Variants in AOAH observed in about 807,000 individuals in gnomAD.
The protein encoded by AOAH is acyloxyacyl hydrolase (neutrophil).
AOAH carries 64 observed loss-of-function variants against 92.2 expected under a neutral mutation model. The ratio of observed to expected loss-of-function variants is 0.69; its 90% CI spans 0.57 to 0.86. The LOEUF is 0.86. Ranked by LOEUF, AOAH falls within the 40% of genes least tolerant of loss-of-function variation. The pLI is 0.00. For missense variants in AOAH, 656 were observed against 694.6 expected, an observed-to-expected ratio of 0.94 and a Z score of 0.62; for synonymous variants, 263 against 254.5, an observed-to-expected ratio of 1.03 and a Z score of -0.32.
intron 1 of AOAH, among the ~76,000 whole-genome samples, chr7:36,710,282 G>A (rs1798679508): frequency 6.6e-6 from 1 of 152,164 alleles, no homozygotes; most frequent in Admixed American, 6.5e-5. Flanking sequence ...GCATATTCAG[G>A]GAACCCTTTA....
chr7:36,659,014 A>C lies in AOAH; in HGVS notation c.390+152T>G, dbSNP rs867503849. ...GTATGGATCTAGGCCAAAATGCAGGAATATTATTTCTTGCGGGGTAATTGA... is the reference window on the plus strand; with the variant it reads ...GTATGGATCTAGGCCAAAATGCAGGCATATTATTTCTTGCGGGGTAATTGA... On this transcript the variant is annotated intron_variant, in intron 4 of 20. Transcript: ENST00000617537. 6.4e-5 allele frequency: 43 copies of C among 669,016 alleles called. 1 individual carries two copies. In the South Asian group the frequency reaches 7.3e-4, roughly 11 times the overall value. The allele number at this position is 669,016 out of a possible 1,614,324, so 41.4% of individuals were successfully genotyped here.
chr7:36,589,869 T>C (rs1466909304), intron 12 of AOAH, among the ~76,000 whole-genome samples: 1 of 152,246 alleles, frequency 6.6e-6, no homozygotes, highest in African/African-American at 2.4e-5. Context: ...AAGTAGGATT[T>C]TCCTGTTATA....
At chr7:36,642,185 AAAGC>A (rs957855009) in intron 4 of AOAH, among the ~76,000 whole-genome samples, 22 of 152,062 alleles carry the variant, frequency 1.4e-4, no homozygotes, top group African/African-American at 5.3e-4. Context: ...TTTGCCATTA[AAAGC>A]AATAGCAAAA....
chr7:36,522,163 C>T (rs772792867), intron 19 of AOAH, 48 bp from the exon 20 acceptor site: 45 of 1,571,774 alleles, frequency 2.9e-5, no homozygotes, highest in Middle Eastern at 1.7e-4. Flanking sequence ...GCACAAGCAA[C>T]GGCCAATATC....
intron 1 of AOAH, among the ~76,000 whole-genome samples, chr7:36,698,641 A>G (rs1797856063): frequency 6.6e-6 from 1 of 152,108 alleles, no homozygotes; most frequent in South Asian, 2.1e-4. Context: ...CTTAGACCAA[A>G]CTATTTTCTA....
chr7:36,540,432 T>C lies in AOAH; in HGVS notation c.1193A>G (p.Gln398Arg). 6.2e-7 allele frequency: 1 copy of C among 1,614,070 alleles called. No individual in the cohort carries two copies. Among genetic ancestry groups the C allele is most frequent in the Non-Finnish European group, 8.5e-7 (1 of 1,179,948 alleles). The change falls in exon 16 of 21, where the codon CAG (glutamine) becomes CGG (arginine). Residue 398 changes from glutamine to arginine, a missense_variant. Gln to Arg is a conservative substitution (Grantham distance 43). Coordinates refer to ENST00000617537, the MANE Select transcript of AOAH (RefSeq NM_001637.4). ...TPEKLYSNVM[Q>R]TLKHLNSHLP... The stretch of plus-strand genomic sequence containing the variant: ...GTGGGAATTTAGATGCTTCAGAGTC[T>C]GCATGACGTTGGAGTAGAGTTTCTC...
chr7:36,548,647 A>G lies in AOAH; in HGVS notation c.1098T>C (p.Val366=), dbSNP rs954364122. 3.7e-6 allele frequency: 6 copies of G among 1,613,730 alleles called. No homozygotes were observed. The African/African-American group carries it at 5.3e-5, about 14-fold the overall frequency. The stretch of plus-strand genomic sequence containing the variant: ...CATCATTTCCAATCATGGCATATAT[A>G]ACGATGGCGGGATAGTCCAACACCT... ...RNKVLDYPAI[V]IYAMIGNDVC... is the part of the protein sequence containing the mutation. Residue 366 remains valine, a synonymous_variant, in exon 15 of 21, where the codon GTT becomes GTC. Transcript: ENST00000617537.
intron 10 of AOAH, among the ~76,000 whole-genome samples, chr7:36,617,487 A>T (rs1201471389): frequency 6.6e-6 from 1 of 152,246 alleles, no homozygotes; most frequent in Non-Finnish European, 1.5e-5. Context: ...CTTTAAGTTG[A>T]TACACAGCAA....
rs1172219860 is a variant in AOAH, at chr7:36,618,287, C to T, written c.751+10G>A. On this transcript the variant is annotated intron_variant, in intron 10 of 20. Transcript: ENST00000617537. ...ATCATTATAACCACAATGACATCCACAATTCATACCTTCACAGAATTTCTT... is the reference window on the plus strand; with the variant it reads ...ATCATTATAACCACAATGACATCCATAATTCATACCTTCACAGAATTTCTT... 6.2e-7 allele frequency: 1 copy of T among 1,612,112 alleles called. No homozygotes were observed. Among genetic ancestry groups the T allele is most frequent in the South Asian group, 1.1e-5 (1 of 91,018 alleles).
Position 36,522,066 on chromosome 7 carries a change from C to G in AOAH, c.1572G>C (p.Glu524Asp). The change falls in exon 20 of 21, where the codon GAG becomes GAC. Residue 524 changes from glutamate (E) to aspartate (D), a missense_variant. Coordinates refer to ENST00000617537, the MANE Select transcript of AOAH (RefSeq NM_001637.4). ...KRGGQPWQLIEPVDGFHPNEV... is the reference protein window; with the variant it reads ...KRGGQPWQLIDPVDGFHPNEV... ...CGTTGGGGTGGAATCCATCCACGGG[C>G]TCGATGAGCTGCCAGGGCTGTCCGC... The G allele has an allele frequency of 6.2e-7, 1 of 1,614,230 alleles. No homozygotes were observed. Among genetic ancestry groups the G allele is most frequent in the Non-Finnish European group, 8.5e-7 (1 of 1,180,028 alleles).
At chr7:36,682,230 G>A (rs1033972601) in intron 2 of AOAH, among the ~76,000 whole-genome samples, 3 of 152,172 alleles carry the variant, frequency 2.0e-5, no homozygotes, top group Admixed American at 1.3e-4. Context: ...TAACTTTTGG[G>A]GATAGAGAAA....
chr7:36,547,983 T>C (rs986796011), intron 15 of AOAH, among the ~76,000 whole-genome samples: 1 of 152,130 alleles, frequency 6.6e-6, no homozygotes, highest in Non-Finnish European at 1.5e-5. Context: ...TCTTATGGGG[T>C]AACTGTGCTT....
At chr7:36,715,240 T>C (rs1365651672) in intron 1 of AOAH, among the ~76,000 whole-genome samples, 1 of 151,952 alleles carries the variant, frequency 6.6e-6, no homozygotes, top group Non-Finnish European at 1.5e-5. Flanking sequence ...TCAAAGAGCA[T>C]AAAATACCTA....
intron 20 of AOAH, among the ~76,000 whole-genome samples, chr7:36,518,996 T>G (rs1783970827): frequency 6.6e-6 from 1 of 152,240 alleles, no homozygotes; most frequent in Non-Finnish European, 1.5e-5. Context: ...AACTCTGTGT[T>G]TGGTCATTTA....
At chr7:36,664,739 C>A (rs1177172010) in intron 3 of AOAH, among the ~76,000 whole-genome samples, 2 of 152,062 alleles carry the variant, frequency 1.3e-5, no homozygotes, top group Non-Finnish European at 2.9e-5. Flanking sequence ...TGAGGCTGGG[C>A]AATTTATAAA....
intron 4 of AOAH, among the ~76,000 whole-genome samples, chr7:36,650,126 G>A (rs1038753827): frequency 0.016 from 99 of 6,296 alleles, no homozygotes; most frequent in Non-Finnish European, 3.8e-3. Flanking sequence ...GCCCACCACC[G>A]TCTTGGAAGC....
intron 15 of AOAH, among the ~76,000 whole-genome samples, chr7:36,545,854 T>C (rs1213451136): frequency 6.6e-6 from 1 of 152,212 alleles, no homozygotes; most frequent in East Asian, 1.9e-4. Flanking sequence ...GCCTTTATGA[T>C]TGGACGTTCT....
intron 1 of AOAH, among the ~76,000 whole-genome samples, chr7:36,689,550 T>G (rs543742782): frequency 6.6e-6 from 1 of 152,044 alleles, no homozygotes; most frequent in Non-Finnish European, 1.5e-5. Context: ...CCCTGGTGAA[T>G]AGAATATGAT....
intron 1 of AOAH, among the ~76,000 whole-genome samples, chr7:36,689,013 G>A (rs557027971): frequency 2.7e-4 from 41 of 152,142 alleles, no homozygotes; most frequent in South Asian, 1.9e-3. Flanking sequence ...GGTTGGTCTC[G>A]AACTCCTGGC....
Sources: gnomAD v4.1 joint callset for allele counts (sites outside exome capture counted in the v4.1 genomes callset) on GRCh38, gnomAD v4.1.1 for gene constraint, MANE v1.5 for transcripts, NCBI Gene and HGNC (gene_info 2026-07-23, HGNC 2026-07-21) for gene names.